Variants in TEAD4 observed in about 807,000 individuals in gnomAD.
TEAD4 encodes transcriptional enhancer factor TEF-3.
Under a neutral mutation model 52.4 loss-of-function variants are expected in TEAD4, and 36 were observed. That is an observed-to-expected ratio of 0.69 (90% CI 0.53 to 0.91). TEAD4 has a LOEUF of 0.91. Ranked by LOEUF, TEAD4 falls within the 40% of genes least tolerant of loss-of-function variation. TEAD4 has a pLI of 0.00. For missense variants in TEAD4, 508 were observed against 583.9 expected (o/e 0.87, Z 1.34); for synonymous variants, 220 against 231.0 (o/e 0.95, Z 0.43).
At chr12:3,034,867 G>A (rs2098278342) in intron 10 of TEAD4, among the ~76,000 whole-genome samples, 1 of 152,196 alleles carries the variant, frequency 6.6e-6, no homozygotes, top group Non-Finnish European at 1.5e-5. Flanking sequence ...GCCGAGGCAG[G>A]TGGATCACTT....
At chr12:2,986,506 G>T (rs2098238637) in intron 2 of TEAD4, among the ~76,000 whole-genome samples, 2 of 151,932 alleles carry the variant, frequency 1.3e-5, no homozygotes, top group South Asian at 4.2e-4. Flanking sequence ...CGGGCGTGGT[G>T]GTACGTGCCT....
chr12:2,974,212 AG>A (rs1397965362), intron 2 of TEAD4, among the ~76,000 whole-genome samples: 1 of 152,154 alleles, frequency 6.6e-6, no homozygotes, highest in Non-Finnish European at 1.5e-5. Context: ...CATGTTGGCC[AG>A]GTTGGTCTCG....
At chr12:3,020,085 G>A (rs1281827144) in intron 8 of TEAD4, among the ~76,000 whole-genome samples, 1 of 152,160 alleles carries the variant, frequency 6.6e-6, no homozygotes, top group Non-Finnish European at 1.5e-5. Flanking sequence ...GCCCCCTGGT[G>A]CCTTCAGGAC....
chr12:2,999,015 G>T (rs370435483), intron 3 of TEAD4, among the ~76,000 whole-genome samples: 1 of 152,224 alleles, frequency 6.6e-6, no homozygotes, highest in African/African-American at 2.4e-5. Context: ...GCAGGACTGC[G>T]TGGGGACTGA....
intron 2 of TEAD4, among the ~76,000 whole-genome samples, chr12:2,962,327 A>T (rs1217068520): frequency 3.5e-5 from 4 of 112,774 alleles, no homozygotes; most frequent in East Asian, 2.6e-4. Context: ...TATATATATA[A>T]ATATAAATAT....
chr12:2,998,189 A>C (rs1591574948), intron 3 of TEAD4, among the ~76,000 whole-genome samples: 1 of 152,148 alleles, frequency 6.6e-6, no homozygotes, highest in East Asian at 1.9e-4. Flanking sequence ...TTCCTTTTTA[A>C]GGCTGAGTAA....
At chr12:3,010,819 T>C (rs1181339943) in intron 3 of TEAD4, among the ~76,000 whole-genome samples, 185 bp from the exon 4 acceptor site, 1 of 152,094 alleles carries the variant, frequency 6.6e-6, no homozygotes, top group African/African-American at 2.4e-5. Flanking sequence ...GGCCTTGTCT[T>C]CCTCTCGCTG....
intron 4 of TEAD4, 47 bp from the exon 5 acceptor site, chr12:3,012,123 A>C (rs1565542161): frequency 6.2e-7 from 1 of 1,604,862 alleles, no homozygotes; most frequent in African/African-American, 1.3e-5. Flanking sequence ...GCTGGGGAAC[A>C]CAGGTTGTTG....
intron 3 of TEAD4, among the ~76,000 whole-genome samples, chr12:2,996,457 A>G (rs1333027919): frequency 3.4e-5 from 5 of 145,150 alleles, no homozygotes; most frequent in African/African-American, 5.1e-5. Flanking sequence ...TGCCCAGGCT[A>G]GAGTGCAATG....
At chr12:3,002,748 C>T (rs1385201013) in intron 3 of TEAD4, among the ~76,000 whole-genome samples, 1 of 152,102 alleles carries the variant, frequency 6.6e-6, no homozygotes, top group East Asian at 1.9e-4. Flanking sequence ...CACAGTGTGG[C>T]GGGGGAGCAT....
intron 2 of TEAD4, among the ~76,000 whole-genome samples, chr12:2,972,561 G>A (rs1256385364): frequency 3.0e-5 from 4 of 131,706 alleles, no homozygotes; most frequent in African/African-American, 1.1e-4. Context: ...GTGCAATGGT[G>A]CAATCTCGGC....
chr12:2,988,620 G>A (rs1172873054), intron 2 of TEAD4, among the ~76,000 whole-genome samples: 4 of 151,962 alleles, frequency 2.6e-5, no homozygotes, highest in African/African-American at 4.8e-5. Context: ...CTAATGAGTC[G>A]ATTTAGGGCT....
At chr12:2,986,501 G>C (rs947081648) in intron 2 of TEAD4, among the ~76,000 whole-genome samples, 1 of 151,740 alleles carries the variant, frequency 6.6e-6, no homozygotes, top group East Asian at 1.9e-4. Flanking sequence ...TTAGCCGGGC[G>C]TGGTGGTACG....
chr12:3,038,718 C>T (rs924626146), intron 11 of TEAD4, among the ~76,000 whole-genome samples: 2 of 152,184 alleles, frequency 1.3e-5, no homozygotes, highest in African/African-American at 4.8e-5. Context: ...AGGTGAATCC[C>T]CACCCAGGCA....
chr12:2,963,629 G>C lies in TEAD4; in HGVS notation c.-30+3589G>C, dbSNP rs531624500. On this transcript the variant is annotated intron_variant, in intron 2 of 12. Coordinates refer to ENST00000359864, the MANE Select transcript of TEAD4 (RefSeq NM_003213.4). ...CTTCTAATTCCACTTTTGCCTGGAC[G>C]CTTTCTGAGATGACGGTTCTTCCCT... Among the ~76,000 whole-genome samples, 41 of 152,302 alleles carry C rather than the reference G, an allele frequency of 2.7e-4. No homozygotes were observed. In the South Asian group the frequency reaches 2.7e-3, roughly 10 times the overall value.
intron 2 of TEAD4, among the ~76,000 whole-genome samples, chr12:2,979,307 T>G (rs185019571): frequency 5.3e-4 from 81 of 152,360 alleles, no homozygotes; most frequent in African/African-American, 1.9e-3. Context: ...TTGGGCTGCT[T>G]CCCCTTTTGA....
At chr12:3,007,412 A>G (rs993362204) in intron 3 of TEAD4, among the ~76,000 whole-genome samples, 1 of 152,204 alleles carries the variant, frequency 6.6e-6, no homozygotes, top group African/African-American at 2.4e-5. Context: ...ACACCTGGGC[A>G]GTTAGTCCTA....
At chr12:2,996,186 C>T (rs1320828008) in intron 3 of TEAD4, among the ~76,000 whole-genome samples, 1 of 152,058 alleles carries the variant, frequency 6.6e-6, no homozygotes, top group East Asian at 1.9e-4. Context: ...CAACGGGGCC[C>T]CTGCCTGGCT....
At chr12:2,976,081 C>A (rs1399489042) in intron 2 of TEAD4, among the ~76,000 whole-genome samples, 1 of 151,868 alleles carries the variant, frequency 6.6e-6, no homozygotes, top group East Asian at 1.9e-4. Context: ...TCTTGGCTCA[C>A]TGCAACTTCT....
Sources: gnomAD v4.1 joint callset for allele counts (sites outside exome capture counted in the v4.1 genomes callset) on GRCh38, gnomAD v4.1.1 for gene constraint, MANE v1.5 for transcripts, NCBI Gene and HGNC (gene_info 2026-07-23, HGNC 2026-07-21) for gene names.